RANBP17: variants seen among roughly 807,000 people sequenced by gnomAD.
RANBP17 encodes the protein ran-binding protein 17.
Under a neutral mutation model 141.2 loss-of-function variants are expected in RANBP17, and 158 were observed. The observed-to-expected ratio is 1.12, with a 90% CI of 0.98 to 1.28. RANBP17 has a LOEUF of 1.28. Among genes scored for constraint, RANBP17 ranks in the 50% most tolerant of loss-of-function variants. RANBP17 has a pLI of 0.00. For missense variants in RANBP17, 1,438 were observed against 1,290.7 expected, an observed-to-expected ratio of 1.11 and a Z score of -1.75; for synonymous variants, 430 against 450.0, an observed-to-expected ratio of 0.96 and a Z score of 0.56.
intron 21 of RANBP17, among the ~76,000 whole-genome samples, chr5:171,218,972 A>T (rs1763391151): frequency 6.6e-6 from 1 of 152,130 alleles, no homozygotes; most frequent in Non-Finnish European, 1.5e-5. Context: ...ACATTAGTTG[A>T]TGCAGTTTCT....
At chr5:171,004,481 A>C (rs2127581288) in intron 14 of RANBP17, among the ~76,000 whole-genome samples, 1 of 152,260 alleles carries the variant, frequency 6.6e-6, no homozygotes, top group Admixed American at 6.5e-5. Flanking sequence ...CAATACCCAC[A>C]ACAGTTATGG....
chr5:171,067,598 T>A lies in RANBP17; in HGVS notation c.1710+99221T>A, dbSNP rs759456737. ...ATGGGCTTCTTTAGCTTCTTAAAAA[T>A]TTTTTTAAATCTAGGAACGTCTTAA... On this transcript the variant is annotated intron_variant, in intron 14 of 27. Transcript: ENST00000523189. 8.0e-4 allele frequency among the ~76,000 whole-genome samples: 121 copies of A among 152,194 alleles called. 1 individual carries two copies. The highest frequency in any genetic ancestry group is 4.7e-4 in the Non-Finnish European group (32 of 67,966).
intron 14 of RANBP17, among the ~76,000 whole-genome samples, chr5:171,060,514 C>A (rs1421394986): frequency 6.6e-6 from 1 of 151,994 alleles, no homozygotes; most frequent in Non-Finnish European, 1.5e-5. Context: ...GGATGAAGCC[C>A]ACTTGATCAT....
chr5:171,143,403 C>T (rs1757829950), intron 14 of RANBP17: 1 of 152,154 alleles, frequency 6.6e-6, no homozygotes, highest in Non-Finnish European at 1.5e-5. Context: ...CTTCTCCTTC[C>T]GTGAAACAGA....
rs116136856 is a variant in RANBP17, at chr5:171,156,907, A to G, written c.1711-13223A>G. Reference sequence around the variant, plus strand: ...TTTTTTCTCCGGGGCATTTTTCCCTATGATCATCAAGGGATTTCAAAAGCA... The same window carrying G: ...TTTTTTCTCCGGGGCATTTTTCCCTGTGATCATCAAGGGATTTCAAAAGCA... On this transcript the variant is annotated intron_variant, in intron 14 of 27. Transcript: ENST00000523189. Among the ~76,000 whole-genome samples, 544 of 152,186 alleles carry G rather than the reference A, an allele frequency of 3.6e-3. 5 individuals carry two copies. Among genetic ancestry groups the G allele is most frequent in the African/African-American group, 0.013 (524 of 41,552 alleles).
chr5:171,149,480 G>A (rs548393347), intron 14 of RANBP17, among the ~76,000 whole-genome samples: 1 of 152,164 alleles, frequency 6.6e-6, no homozygotes, highest in South Asian at 2.1e-4. Context: ...TCTCCCTTAA[G>A]TCCCTAGATT....
At chr5:171,084,410 C>T (rs1785492639) in intron 14 of RANBP17, among the ~76,000 whole-genome samples, 1 of 130,730 alleles carries the variant, frequency 7.6e-6, no homozygotes, top group Admixed American at 8.2e-5. Flanking sequence ...TGAATAGTGC[C>T]ACAATAAACA....
chr5:171,219,409 T>A (rs1763420438), intron 21 of RANBP17, among the ~76,000 whole-genome samples: 1 of 152,188 alleles, frequency 6.6e-6, no homozygotes, highest in South Asian at 2.1e-4. Context: ...TGGTGTTCTC[T>A]GTATTTCCTG....
chr5:171,106,705 G>T (rs1434209782), intron 14 of RANBP17, among the ~76,000 whole-genome samples: 1 of 152,040 alleles, frequency 6.6e-6, no homozygotes, highest in Non-Finnish European at 1.5e-5. Flanking sequence ...CTCAATACTG[G>T]TTTTACAATA....
At chr5:171,166,457 T>C (rs1205531357) in intron 14 of RANBP17, among the ~76,000 whole-genome samples, 2 of 152,012 alleles carry the variant, frequency 1.3e-5, no homozygotes, top group Non-Finnish European at 2.9e-5. Context: ...TGCATTCCTA[T>C]GTAACTCCTA....
chr5:171,147,778 C>T (rs1002278979), intron 14 of RANBP17, among the ~76,000 whole-genome samples: 3 of 152,110 alleles, frequency 2.0e-5, no homozygotes, highest in African/African-American at 7.2e-5. Context: ...GGGGGTCAGC[C>T]CCCCGCCCGG....
At chr5:171,088,568 G>A (rs955090253) in intron 14 of RANBP17, among the ~76,000 whole-genome samples, 1 of 152,180 alleles carries the variant, frequency 6.6e-6, no homozygotes, top group African/African-American at 2.4e-5. Context: ...TTTCCAACTT[G>A]TTTCCATTCT....
chr5:170,984,719 T>G (rs1437637115), intron 14 of RANBP17, among the ~76,000 whole-genome samples: 1 of 152,178 alleles, frequency 6.6e-6, no homozygotes, highest in Non-Finnish European at 1.5e-5. Flanking sequence ...ACGTTAAAAC[T>G]CTTAGAATAT....
chr5:171,082,175 G>A (rs1046385335), intron 14 of RANBP17, among the ~76,000 whole-genome samples: 2 of 151,954 alleles, frequency 1.3e-5, no homozygotes, highest in Admixed American at 1.3e-4. Flanking sequence ...CCTGACTTGC[G>A]CTCATCTCAA....
At chr5:171,059,161 AG>A (rs947954847) in intron 14 of RANBP17, among the ~76,000 whole-genome samples, 1 of 152,024 alleles carries the variant, frequency 6.6e-6, no homozygotes, top group African/African-American at 2.4e-5. Flanking sequence ...GAAGCTCTTT[AG>A]TTTAATTAGA....
intron 9 of RANBP17, among the ~76,000 whole-genome samples, chr5:170,917,995 A>G (rs979088292): frequency 6.6e-5 from 10 of 152,124 alleles, no homozygotes; most frequent in African/African-American, 2.4e-4. Flanking sequence ...TTACAAAGAT[A>G]CTTTTTGAAT....
chr5:170,865,614 TGTTGA>T (rs1767188287), intron 1 of RANBP17, among the ~76,000 whole-genome samples: 2 of 151,496 alleles, frequency 1.3e-5, no homozygotes, highest in African/African-American at 4.9e-5. Context: ...CAGGGGGAGG[TGTTGA>T]GTTGAGTCTT....
chr5:170,932,516 T>C (rs1406704240), intron 12 of RANBP17, among the ~76,000 whole-genome samples: 4 of 152,146 alleles, frequency 2.6e-5, no homozygotes, highest in Non-Finnish European at 2.9e-5. Context: ...CCAGTTTTTG[T>C]CCATTCAGTA....
chr5:171,218,712 T>G (rs1189403257), intron 21 of RANBP17, among the ~76,000 whole-genome samples: 1 of 152,120 alleles, frequency 6.6e-6, no homozygotes, highest in African/African-American at 2.4e-5. Flanking sequence ...TATCAGAGAC[T>G]AGATTGCCAC....
Sources: gnomAD v4.1 joint callset for allele counts (sites outside exome capture counted in the v4.1 genomes callset) on GRCh38, gnomAD v4.1.1 for gene constraint, MANE v1.5 for transcripts, NCBI Gene and HGNC (gene_info 2026-07-23, HGNC 2026-07-21) for gene names.